Variants in TAFA2 observed in about 807,000 individuals in gnomAD.
TAFA2 encodes the protein TAFA chemokine like family member 2.
A neutral mutation model predicts 18.8 loss-of-function variants in TAFA2; 7 were observed. That is an observed-to-expected ratio of 0.37 (90% confidence interval 0.21 to 0.70). TAFA2 has a LOEUF of 0.70. TAFA2 is among the 30% of genes least tolerant of loss of function. The pLI, the probability that TAFA2 is intolerant of heterozygous loss-of-function variation, is 0.53. For missense variants in TAFA2, 122 were observed against 158.1 expected (o/e 0.77, Z 1.23); for synonymous variants, 60 against 54.2 (o/e 1.11, Z -0.47).
At chr12:61,838,989 TA>T (rs1318392748) in intron 2 of TAFA2, among the ~76,000 whole-genome samples, 1 of 151,908 alleles carries the variant, frequency 6.6e-6, no homozygotes, top group Non-Finnish European at 1.5e-5. Flanking sequence ...AACCCTGCCT[TA>T]GGGGGAAAAA....
chr12:62,245,990 CT>C (rs376867882), intron 1 of TAFA2, among the ~76,000 whole-genome samples: 1,714 of 140,622 alleles, frequency 0.012, 25 homozygotes, highest in African/African-American at 0.039. Context: ...ATTGTTATTC[CT>C]TTTTTTTTTT....
intron 1 of TAFA2, among the ~76,000 whole-genome samples, chr12:62,097,856 G>T (rs1468034536): frequency 6.6e-6 from 1 of 152,062 alleles, no homozygotes; most frequent in Non-Finnish European, 1.5e-5. Flanking sequence ...CATGAGAAAA[G>T]TTCCAGCTTT....
intron 2 of TAFA2, among the ~76,000 whole-genome samples, chr12:61,830,886 C>T (rs540308409): frequency 5.7e-4 from 87 of 151,914 alleles, no homozygotes; most frequent in African/African-American, 2.1e-3. Flanking sequence ...TAACAGCGGG[C>T]CAAATATGTA....
intron 2 of TAFA2, among the ~76,000 whole-genome samples, chr12:61,782,368 T>C (rs1870542423): frequency 6.6e-6 from 1 of 151,786 alleles, no homozygotes. Context: ...CAACCCCTTA[T>C]TGTAACCAGG....
At chr12:61,844,339 A>G (rs771395199) in intron 2 of TAFA2, among the ~76,000 whole-genome samples, 1 of 152,164 alleles carries the variant, frequency 6.6e-6, no homozygotes, top group Non-Finnish European at 1.5e-5. Context: ...AATCTGTTCA[A>G]GTATAAATTC....
At chr12:61,770,817 C>A (rs1179004808) in intron 2 of TAFA2, among the ~76,000 whole-genome samples, 2 of 151,800 alleles carry the variant, frequency 1.3e-5, no homozygotes, top group South Asian at 2.1e-4. Flanking sequence ...ACCTACAAAA[C>A]AATAATGAAA....
chr12:61,882,427 A>C (rs1875188419), intron 1 of TAFA2, among the ~76,000 whole-genome samples: 2 of 152,206 alleles, frequency 1.3e-5, no homozygotes, highest in African/African-American at 4.8e-5. Flanking sequence ...AAAATAGAGT[A>C]CAAAAGGATA....
intron 1 of TAFA2, among the ~76,000 whole-genome samples, chr12:61,948,235 A>G (rs557023180): frequency 9.8e-5 from 15 of 152,288 alleles, no homozygotes; most frequent in African/African-American, 3.6e-4. Flanking sequence ...TTCTACTATT[A>G]TTGCCATTCC....
intron 1 of TAFA2, among the ~76,000 whole-genome samples, chr12:61,885,460 C>A (rs7488366): frequency 6.6e-5 from 10 of 152,208 alleles, no homozygotes; most frequent in Middle Eastern, 3.4e-3. Context: ...TTCACAGAAC[C>A]CTTGACACCA....
intron 4 of TAFA2, chr12:61,721,018 G>A: frequency 2.1e-6 from 1 of 477,214 alleles, no homozygotes; most frequent in South Asian, 1.5e-5. Flanking sequence ...CAAGCATAAA[G>A]GGACAACAAG....
intron 1 of TAFA2, among the ~76,000 whole-genome samples, chr12:62,146,474 G>A (rs746143232): frequency 2.4e-4 from 37 of 151,894 alleles, no homozygotes; most frequent in Admixed American, 1.3e-4. Flanking sequence ...TGTAGAGACT[G>A]TTTCATCATG....
chr12:62,154,411 C>T (rs1030974941), intron 1 of TAFA2, among the ~76,000 whole-genome samples: 8 of 152,118 alleles, frequency 5.3e-5, no homozygotes, highest in African/African-American at 1.4e-4. Flanking sequence ...TCACATGCTA[C>T]CCCTGATAAC....
At chr12:61,851,774 C>CAAAAAAA (rs55651727) in intron 2 of TAFA2, among the ~76,000 whole-genome samples, 5 of 14,498 alleles carry the variant, frequency 3.4e-4, no homozygotes, top group African/African-American at 4.5e-4. Flanking sequence ...GACTCCATCT[C>CAAAAAAA]AAAAAAAAAA....
intron 1 of TAFA2, among the ~76,000 whole-genome samples, chr12:62,246,462 G>C (rs533005848): frequency 6.6e-6 from 1 of 152,098 alleles, no homozygotes; most frequent in African/African-American, 2.4e-5. Flanking sequence ...ATCATTATTT[G>C]AAATAACCTA....
intron 2 of TAFA2, among the ~76,000 whole-genome samples, chr12:61,768,059 G>C (rs1694252465): frequency 6.6e-6 from 1 of 152,062 alleles, no homozygotes. Flanking sequence ...CTAACCATGA[G>C]ATCACTGCCT....
chr12:61,725,820 G>A (rs1369763886), intron 4 of TAFA2, among the ~76,000 whole-genome samples: 3 of 151,974 alleles, frequency 2.0e-5, no homozygotes, highest in African/African-American at 7.2e-5. Context: ...ACTCAGGAAT[G>A]GAAAACCACA....
At chr12:61,748,096 G>A (rs913856487) in intron 4 of TAFA2, among the ~76,000 whole-genome samples, 11 of 151,190 alleles carry the variant, frequency 7.3e-5, no homozygotes, top group African/African-American at 2.7e-4. Context: ...ATAAACAGGT[G>A]ATAACAGCAA....
intron 1 of TAFA2, among the ~76,000 whole-genome samples, chr12:62,215,468 T>C (rs2062730424): frequency 6.6e-6 from 1 of 151,862 alleles, no homozygotes; most frequent in Non-Finnish European, 1.5e-5. Context: ...TCAACTCTGC[T>C]TTTTAGACAC....
At chr12:61,715,093 G>T (rs1869586488) in intron 4 of TAFA2, among the ~76,000 whole-genome samples, 1 of 152,150 alleles carries the variant, frequency 6.6e-6, no homozygotes, top group African/African-American at 2.4e-5. Flanking sequence ...ATATTAGTAG[G>T]TGGTAGAAGT....
Sources: allele counts gnomAD v4.1 joint callset (sites outside exome capture counted in the v4.1 genomes callset), GRCh38; gene constraint gnomAD v4.1.1; transcripts MANE v1.5; gene names NCBI Gene and HGNC (gene_info 2026-07-23, HGNC 2026-07-21).